The following BEND4 variants were observed in gnomAD, a reference collection of about 807,000 sequenced individuals.
The protein encoded by BEND4 is BEN domain-containing protein 4.
BEND4 carries 27 observed loss-of-function variants against 54.7 expected under a neutral mutation model. The ratio of observed to expected loss-of-function variants is 0.49; its 90% CI spans 0.36 to 0.68. The LOEUF (loss-of-function observed/expected upper bound fraction) is 0.68, where lower values mean the gene tolerates loss of function less well. Ranked by LOEUF, BEND4 falls within the 30% of genes least tolerant of loss-of-function variation. BEND4 has a pLI of 0.00. For missense variants in BEND4, 702 were observed against 697.2 expected, an observed-to-expected ratio of 1.01 and a Z score of -0.08; for synonymous variants, 327 against 299.5, an observed-to-expected ratio of 1.09 and a Z score of -0.95.
intron 3 of BEND4, among the ~76,000 whole-genome samples, chr4:42,139,915 T>C (rs958109877): frequency 7.9e-5 from 12 of 152,212 alleles, no homozygotes; most frequent in Admixed American, 1.3e-4. Context: ...GGTTACAGTA[T>C]GACAAAACAT....
intron 2 of BEND4, chr4:42,151,329 G>A (rs995994345): frequency 1.5e-5 from 3 of 203,362 alleles, no homozygotes; most frequent in Non-Finnish European, 1.8e-5. Flanking sequence ...TTCCCGAGCG[G>A]CCGCCGCTAT....
chr4:42,152,171 G>A lies in BEND4; in HGVS notation c.-28C>T. On this transcript the variant is annotated 5_prime_UTR_variant, in exon 2 of 6. Coordinates refer to ENST00000502486, the MANE Select transcript of BEND4 (RefSeq NM_207406.4). ...GGCGCCTCGGGGCCGGTCCCTCGGA[G>A]CACGTCCCCTCCCCGCCGGGCGCCG... 1 of 1,239,616 alleles carries A rather than the reference G, an allele frequency of 8.1e-7. No homozygotes were observed. 76.8% of individuals were successfully genotyped at this position (1,239,616 alleles called of 1,614,324 possible). A position where few individuals can be genotyped will look rare whatever the true frequency, so the allele number is the denominator to read the frequency against.
chr4:42,131,490 T>C (rs370354167), intron 3 of BEND4, among the ~76,000 whole-genome samples: 23 of 152,314 alleles, frequency 1.5e-4, no homozygotes, highest in African/African-American at 4.8e-4. Context: ...TAAAAGTTGT[T>C]TGAAAAATGT....
At position 42,114,715 on chromosome 4, in the gene BEND4, A is replaced by G. The variant is rs1480248214; in HGVS notation, c.*2803T>C. On this transcript the variant is annotated 3_prime_UTR_variant, in exon 6 of 6. Coordinates refer to ENST00000502486, the MANE Select transcript of BEND4 (RefSeq NM_207406.4). ...GTGAGTGAGCTTTTAACCTGGCTACACAGAGGCCCAATGGGCCTTGCCAAA... is the reference window on the plus strand; with the variant it reads ...GTGAGTGAGCTTTTAACCTGGCTACGCAGAGGCCCAATGGGCCTTGCCAAA... 3 of 152,244 alleles carry G rather than the reference A, an allele frequency of 2.0e-5. No homozygotes were observed. Among genetic ancestry groups the G allele is most frequent in the Non-Finnish European group, 4.4e-5 (3 of 68,058 alleles). The allele number at this position is 152,244 out of a possible 1,614,324, so 9.4% of individuals were successfully genotyped here.
At chr4:42,124,060 T>C (rs1481188060) in intron 4 of BEND4, among the ~76,000 whole-genome samples, 2 of 152,214 alleles carry the variant, frequency 1.3e-5, no homozygotes, top group Non-Finnish European at 2.9e-5. Flanking sequence ...ATGTAGTCAA[T>C]GTTATAAGAA....
rs1278111273 is a variant in BEND4, at chr4:42,130,458, C to A, written c.1055-4784G>T. Reference sequence around the variant, plus strand: ...TCACGCCATTGCACTCCAGTCTGGGCGACAGAGCAAGAGTCCGTCTCAAAA... The same window carrying A: ...TCACGCCATTGCACTCCAGTCTGGGAGACAGAGCAAGAGTCCGTCTCAAAA... On this transcript the variant is annotated intron_variant, in intron 3 of 5. Coordinates refer to ENST00000502486, the MANE Select transcript of BEND4 (RefSeq NM_207406.4). Among the ~76,000 whole-genome samples, 5 of 128,162 alleles carry A rather than the reference C, an allele frequency of 3.9e-5. No homozygotes were observed. In the South Asian group the frequency reaches 1.2e-3, roughly 31 times the overall value. The allele number at this position is 128,162 out of a possible 152,430, so 84.1% of individuals were successfully genotyped here. A position where few individuals can be genotyped will look rare whatever the true frequency, so the allele number is the denominator to read the frequency against.
Position 42,144,674 on chromosome 4 carries a change from T to G in BEND4, c.488-680A>C, listed in dbSNP as rs150692043. Reference sequence around the variant, plus strand: ...CAATGTTTAGGCTGACGTGTATCATTTGAAAATCAGTAGTATCACTTCTTA... The same window carrying G: ...CAATGTTTAGGCTGACGTGTATCATGTGAAAATCAGTAGTATCACTTCTTA... On this transcript the variant is annotated intron_variant, in intron 2 of 5. Transcript: ENST00000502486. Among the ~76,000 whole-genome samples the G allele has an allele frequency of 7.3e-3, 1,113 of 152,308 alleles. 7 individuals are homozygous for G. The highest frequency in any genetic ancestry group is 0.011 in the Non-Finnish European group (746 of 68,030).
At position 42,152,184 on chromosome 4, in the gene BEND4, C is replaced by CCGCCGGG; in HGVS notation, c.-48_-42dup. 8.1e-7 allele frequency: 1 copy of CCGCCGGG among 1,236,592 alleles called. No homozygotes were observed. The allele number at this position is 1,236,592 out of a possible 1,614,324, so 76.6% of individuals were successfully genotyped here. A position where few individuals can be genotyped will look rare whatever the true frequency, so the allele number is the denominator to read the frequency against. On this transcript the variant is annotated 5_prime_UTR_variant, in exon 2 of 6. Transcript: ENST00000502486. Reference sequence around the variant, plus strand: ...CGGTCCCTCGGAGCACGTCCCCTCCCCGCCGGGCGCCGGGCTCCGAGGGTG... The same window carrying CCGCCGGG: ...CGGTCCCTCGGAGCACGTCCCCTCCCCGCCGGGCGCCGGGCGCCGGGCTCCGAGGGTG...
intron 3 of BEND4, among the ~76,000 whole-genome samples, chr4:42,126,982 T>A (rs1331980656): frequency 2.6e-5 from 4 of 152,268 alleles, no homozygotes; most frequent in Non-Finnish European, 4.4e-5. Context: ...CTTAAGATGT[T>A]CTTGTCACGT....
intron 4 of BEND4, among the ~76,000 whole-genome samples, chr4:42,121,843 T>C (rs137880547): frequency 0.011 from 1,627 of 152,254 alleles, 101 homozygotes; most frequent in Admixed American, 0.096. Flanking sequence ...TACGGGAGAC[T>C]GAGGAAGCAA....
chr4:42,120,269 T>G lies in BEND4; in HGVS notation c.1172A>C (p.Tyr391Ser). ...TEGSKQLLNN[Y>S]PVYITSKQWD... is the part of the protein sequence containing the mutation. ...CTGTTTGCTCGTTATGTAGACAGGA[T>G]AGTTGTTCAACAGCTGCTTGCTTCC... The change falls in exon 5 of 6, where the codon TAT becomes TCT. Residue 391 changes from tyrosine to serine, a missense_variant. Tyr to Ser is a moderately radical substitution (Grantham distance 144, BLOSUM62 -2). Transcript: ENST00000502486. 2 of 1,602,856 alleles carry G rather than the reference T, an allele frequency of 1.2e-6. No homozygotes were observed. The highest frequency in any genetic ancestry group is 1.7e-6 in the Non-Finnish European group (2 of 1,170,430).
At chr4:42,134,354 A>G (rs918083463) in intron 3 of BEND4, among the ~76,000 whole-genome samples, 9 of 152,216 alleles carry the variant, frequency 5.9e-5, no homozygotes, top group Non-Finnish European at 1.0e-4. Flanking sequence ...GTGTTTAATC[A>G]TCTTTACGTG....
At position 42,152,331 on chromosome 4, in the gene BEND4, G is replaced by A. The variant is rs1721336712; in HGVS notation, c.-188C>T. The A allele has an allele frequency of 2.5e-6, 1 of 399,494 alleles. No homozygotes were observed. The highest frequency in any genetic ancestry group is 4.1e-6 in the Non-Finnish European group (1 of 242,028). The allele number at this position is 399,494 out of a possible 1,614,324, so 24.7% of individuals were successfully genotyped here. On this transcript the variant is annotated 5_prime_UTR_variant, in exon 2 of 6. Transcript: ENST00000502486. ...CTGGCATCGCCGAGCCCCCGCGCGG[G>A]GGGCTGCCGCCCGAGCTCCTGATTG...
At position 42,143,650 on chromosome 4, in the gene BEND4, C is replaced by A. The variant is rs200251365; in HGVS notation, c.832G>T (p.Asp278Tyr). ...SSASEYGHLA[D>Y]VDPLSTSPVH... is the part of the protein sequence containing the mutation. ...GGAGAGGTTGACAGAGGATCCACGT[C>A]GGCCAGATGGCCATATTCACTGGCT... Residue 278 changes from aspartate to tyrosine, a missense_variant, in exon 3 of 6, where the codon GAC (aspartate) becomes TAC (tyrosine). Asp to Tyr is a radical substitution (Grantham distance 160, BLOSUM62 -3). Transcript: ENST00000502486. 150 of 1,613,584 alleles carry A rather than the reference C, an allele frequency of 9.3e-5. No individual in the cohort carries two copies. The African/African-American group carries it at 1.9e-3, about 20-fold the overall frequency.
intron 3 of BEND4, among the ~76,000 whole-genome samples, chr4:42,130,715 A>G (rs1720476688): frequency 6.6e-6 from 1 of 152,228 alleles, no homozygotes; most frequent in African/African-American, 2.4e-5. Flanking sequence ...ATTACTGGGT[A>G]TATACCCAAA....
chr4:42,127,972 C>G (rs564876493), intron 3 of BEND4, among the ~76,000 whole-genome samples: 15 of 151,988 alleles, frequency 9.9e-5, no homozygotes, highest in African/African-American at 3.4e-4. Flanking sequence ...AGACTAGCCT[C>G]GGAAACACAG....
At chr4:42,132,941 G>T (rs977050162) in intron 3 of BEND4, among the ~76,000 whole-genome samples, 1 of 152,032 alleles carries the variant, frequency 6.6e-6, no homozygotes, top group Non-Finnish European at 1.5e-5. Context: ...CAGCTAAAAC[G>T]TACCTACTAC....
intron 3 of BEND4, among the ~76,000 whole-genome samples, chr4:42,126,273 A>G (rs1183668664): frequency 2.0e-5 from 3 of 152,236 alleles, no homozygotes; most frequent in African/African-American, 7.2e-5. Context: ...CAGAAGAGAC[A>G]TGTCTTGACT....
chr4:42,119,993 C>T, intron 5 of BEND4, 61 bp downstream of exon 5: 1 of 1,602,586 alleles, frequency 6.2e-7, no homozygotes, highest in Non-Finnish European at 8.5e-7. Context: ...ACGGGGAGAG[C>T]CACAGCCAAT....
Sources: allele counts gnomAD v4.1 joint callset (sites outside exome capture counted in the v4.1 genomes callset), GRCh38; gene constraint gnomAD v4.1.1; transcripts MANE v1.5; gene names NCBI Gene and HGNC (gene_info 2026-07-23, HGNC 2026-07-21).